AKAP5: variants seen among roughly 807,000 people sequenced by gnomAD.
AKAP5 encodes the protein A-kinase anchoring protein 5.
In AKAP5, 5 loss-of-function variants were observed where a neutral mutation model predicts 13.8. That is an observed-to-expected ratio of 0.36 (90% confidence interval 0.19 to 0.76). The LOEUF is 0.76. Ranked by LOEUF, AKAP5 falls within the 30% of genes least tolerant of loss-of-function variation. The pLI, the probability that AKAP5 is intolerant of heterozygous loss-of-function variation, is 0.51. For synonymous variants in AKAP5, 148 were observed against 167.2 expected, an observed-to-expected ratio of 0.89 and a Z score of 0.89; for missense variants, 406 against 484.4, an observed-to-expected ratio of 0.84 and a Z score of 1.52.
rs1023374648 is a variant in AKAP5, at chr14:64,470,344, C to T, written c.*666C>T. 2 of 166,710 alleles carry T rather than the reference C, an allele frequency of 1.2e-5. No homozygotes were observed. Among genetic ancestry groups the T allele is most frequent in the Non-Finnish European group, 2.9e-5 (2 of 68,194 alleles). 10.3% of individuals were successfully genotyped at this position (166,710 alleles called of 1,614,324 possible). A position where few individuals can be genotyped will look rare whatever the true frequency, so the allele number is the denominator to read the frequency against. ...GTGGCTCACGCCTATAATCCCAGCACTTTGGGAGGCCAAGGCGGGTGGATC... is the reference window on the plus strand; with the variant it reads ...GTGGCTCACGCCTATAATCCCAGCATTTTGGGAGGCCAAGGCGGGTGGATC... On this transcript the variant is annotated 3_prime_UTR_variant, in exon 2 of 2. Coordinates refer to ENST00000394718, the MANE Select transcript of AKAP5 (RefSeq NM_004857.3).
chr14:64,473,853 A>G lies in AKAP5; in HGVS notation c.*4175A>G. On this transcript the variant is annotated 3_prime_UTR_variant, in exon 2 of 2. Transcript: ENST00000394718. ...TATGATGTTTTATTGGGTAACATGA[A>G]CTCTCTTATACATAATTCAAAATTT... 6.0e-6 allele frequency: 1 copy of G among 166,864 alleles called. No homozygotes were observed. The allele number at this position is 166,864 out of a possible 1,614,324, so 10.3% of individuals were successfully genotyped here.
intron 1 of AKAP5, chr14:64,467,015 G>A (rs2078619130): frequency 6.6e-6 from 1 of 152,128 alleles, no homozygotes; most frequent in Non-Finnish European, 1.5e-5. Context: ...TCAAAAGCTT[G>A]GTTTTCAAAT....
intron 1 of AKAP5, among the ~76,000 whole-genome samples, chr14:64,466,619 ATCTT>A (rs1184501810): frequency 6.6e-6 from 1 of 152,192 alleles, no homozygotes; most frequent in African/African-American, 2.4e-5. Context: ...GAATGACTTT[ATCTT>A]TCTGTTAGAG....
chr14:64,469,130 C>CA lies in AKAP5; in HGVS notation c.738dup (p.Ala247SerfsTer5). 6.2e-7 allele frequency: 1 copy of CA among 1,614,106 alleles called. No individual in the cohort carries two copies. The highest frequency in any genetic ancestry group is 8.5e-7 in the Non-Finnish European group (1 of 1,180,032). On this transcript the variant is annotated frameshift_variant, in exon 2 of 2. Coordinates refer to ENST00000394718, the MANE Select transcript of AKAP5 (RefSeq NM_004857.3). LOFTEE classifies it high-confidence loss of function. ...GGAAAAACAAGATGTTCAACCCCAG[C>CA]AAGCAAGCCCACTTGAAACTTCAGA...
chr14:64,467,773 T>C (rs1212346026), intron 1 of AKAP5: 2 of 152,158 alleles, frequency 1.3e-5, no homozygotes, highest in Non-Finnish European at 2.9e-5. Context: ...TTGAGTGTGA[T>C]AAAGATTACA....
Position 64,469,823 on chromosome 14 carries a change from A to C in AKAP5, c.*145A>C. On this transcript the variant is annotated 3_prime_UTR_variant, in exon 2 of 2. Coordinates refer to ENST00000394718, the MANE Select transcript of AKAP5 (RefSeq NM_004857.3). ...CAATTCCAGCGCAGAAGTGCTAAAG[A>C]TTAAGTCAAGTTTATAAAACTCTAC... 1 of 616,248 alleles carries C rather than the reference A, an allele frequency of 1.6e-6. No homozygotes were observed. The highest frequency in any genetic ancestry group is 2.8e-5 in the South Asian group (1 of 35,954). The allele number at this position is 616,248 out of a possible 1,614,324, so 38.2% of individuals were successfully genotyped here.
Position 64,468,591 on chromosome 14 carries a change from C to T in AKAP5, c.197C>T (p.Ala66Val), listed in dbSNP as rs371284045. The T allele has an allele frequency of 6.2e-7, 1 of 1,613,794 alleles. No individual in the cohort carries two copies. Among genetic ancestry groups the T allele is most frequent in the Non-Finnish European group, 8.5e-7 (1 of 1,180,012 alleles). Reference protein sequence around the residue: ...ADVARKCPQEAGASDQPEPTR... With the variant: ...ADVARKCPQEVGASDQPEPTR... ...GTGGCAAGGAAGTGTCCACAAGAAG[C>T]AGGAGCTTCTGATCAGCCAGAGCCC... Residue 66 changes from alanine (A) to valine (V), a missense_variant, in exon 2 of 2, where the codon GCA becomes GTA. By Grantham distance (64) the Ala-to-Val change is moderately conservative. Coordinates refer to ENST00000394718, the MANE Select transcript of AKAP5 (RefSeq NM_004857.3).
At chr14:64,466,514 T>G (rs1244669729) in intron 1 of AKAP5, among the ~76,000 whole-genome samples, 1 of 152,192 alleles carries the variant, frequency 6.6e-6, no homozygotes, top group African/African-American at 2.4e-5. Flanking sequence ...GGTGAGAAGA[T>G]TTAAACAGTT....
chr14:64,469,856 ATGCAGTCACTTC>A lies in AKAP5; in HGVS notation c.*181_*192del. 1.9e-6 allele frequency: 1 copy of A among 538,352 alleles called. No homozygotes were observed. Among genetic ancestry groups the A allele is most frequent in the East Asian group, 3.2e-5 (1 of 31,204 alleles). 33.3% of individuals were successfully genotyped at this position (538,352 alleles called of 1,614,324 possible). A position where few individuals can be genotyped will look rare whatever the true frequency, so the allele number is the denominator to read the frequency against. On this transcript the variant is annotated 3_prime_UTR_variant, in exon 2 of 2. Transcript: ENST00000394718. ...AAGTTTATAAAACTCTACCACTGAA[ATGCAGTCACTTC>A]TGGATTGGAGGAAGTCAGCACAGAT...
At position 64,473,598 on chromosome 14, in the gene AKAP5, T is replaced by C. The variant is rs2078695443; in HGVS notation, c.*3920T>C. On this transcript the variant is annotated 3_prime_UTR_variant, in exon 2 of 2. Coordinates refer to ENST00000394718, the MANE Select transcript of AKAP5 (RefSeq NM_004857.3). ...TTCTAACTTCAAGTTACCTTATTTT[T>C]TATAGTTAAGAATGTTTTTCGAGGT... 1 of 167,108 alleles carries C rather than the reference T, an allele frequency of 6.0e-6. No individual in the cohort carries two copies. Among genetic ancestry groups the C allele is most frequent in the Admixed American group, 6.5e-5 (1 of 15,280 alleles). 10.4% of individuals were successfully genotyped at this position (167,108 alleles called of 1,614,324 possible).
In AKAP5 at chr14:64,470,934, C is replaced by A. The variant is rs143325145; in HGVS notation, c.*1256C>A. 3 of 166,954 alleles carry A rather than the reference C, an allele frequency of 1.8e-5. No homozygotes were observed. Among genetic ancestry groups the A allele is most frequent in the African/African-American group, 7.2e-5 (3 of 41,408 alleles). 10.3% of individuals were successfully genotyped at this position (166,954 alleles called of 1,614,324 possible). On this transcript the variant is annotated 3_prime_UTR_variant, in exon 2 of 2. Coordinates refer to ENST00000394718, the MANE Select transcript of AKAP5 (RefSeq NM_004857.3). Reference sequence around the variant, plus strand: ...GAGGGGAGAGTAGATTCAAAGCCAGCCTGGTAGTAATGGTCCTGGAAAATC... The same window carrying A: ...GAGGGGAGAGTAGATTCAAAGCCAGACTGGTAGTAATGGTCCTGGAAAATC...
intron 1 of AKAP5, chr14:64,467,653 T>C (rs1350581219): frequency 6.6e-6 from 1 of 151,998 alleles, no homozygotes; most frequent in Non-Finnish European, 1.5e-5. Context: ...TCTAGTTGCA[T>C]GGCTTTTGAC....
In AKAP5 at chr14:64,469,309, G is replaced by A; in HGVS notation, c.915G>A (p.Lys305=). 6.2e-7 allele frequency: 1 copy of A among 1,613,290 alleles called. No homozygotes were observed. The highest frequency in any genetic ancestry group is 8.5e-7 in the Non-Finnish European group (1 of 1,179,898). ...CAGAGATTGTAGCTGAAGAAACTAA[G>A]CCAAAAGATACTGAATTGAGCCAAG... is the stretch of plus-strand genomic sequence containing the variant. ...ESTEIVAEET[K]PKDTELSQES... is the part of the protein sequence containing the mutation. Residue 305 remains lysine (K), a synonymous_variant, in exon 2 of 2, where the codon AAG becomes AAA. Transcript: ENST00000394718.
Position 64,468,702 on chromosome 14 carries a change from G to C in AKAP5, c.308G>C (p.Gly103Ala). The change falls in exon 2 of 2, where the codon GGT becomes GCT. Residue 103 changes from glycine (G) to alanine (A), a missense_variant. Gly to Ala is a moderately conservative substitution (Grantham distance 60, BLOSUM62 0). Coordinates refer to ENST00000394718, the MANE Select transcript of AKAP5 (RefSeq NM_004857.3). ...ESSKQQKPLE[G>A]EMQPAINAED... ...TCAAAGCAGCAAAAGCCATTGGAGG[G>C]TGAAATGCAACCTGCAATAAATGCT... is the stretch of plus-strand genomic sequence containing the variant. The C allele has an allele frequency of 6.2e-7, 1 of 1,614,156 alleles. No individual in the cohort carries two copies. The highest frequency in any genetic ancestry group is 8.5e-7 in the Non-Finnish European group (1 of 1,180,046).
chr14:64,469,139 C>T lies in AKAP5; in HGVS notation c.745C>T (p.Pro249Ser). The change falls in exon 2 of 2, where the codon CCA becomes TCA. Residue 249 changes from proline (P) to serine (S), a missense_variant. Coordinates refer to ENST00000394718, the MANE Select transcript of AKAP5 (RefSeq NM_004857.3). ...KQDVQPQQAS[P>S]LETSETDHQQ... ...AGATGTTCAACCCCAGCAAGCAAGC[C>T]CACTTGAAACTTCAGAAACAGACCA... is the stretch of plus-strand genomic sequence containing the variant. 6.2e-7 allele frequency: 1 copy of T among 1,614,054 alleles called. No individual in the cohort carries two copies. Among genetic ancestry groups the T allele is most frequent in the Non-Finnish European group, 8.5e-7 (1 of 1,180,014 alleles).
chr14:64,473,230 A>C lies in AKAP5; in HGVS notation c.*3552A>C, dbSNP rs1453146357. 1 of 167,080 alleles carries C rather than the reference A, an allele frequency of 6.0e-6. No individual in the cohort carries two copies. Among genetic ancestry groups the C allele is most frequent in the African/African-American group, 2.4e-5 (1 of 41,454 alleles). The allele number at this position is 167,080 out of a possible 1,614,324, so 10.3% of individuals were successfully genotyped here. Reference sequence around the variant, plus strand: ...CATTTAAGTAAAGGTAGCAGAAAACAAAAGAACTTTCAAACAGAAATTATG... The same window carrying C: ...CATTTAAGTAAAGGTAGCAGAAAACCAAAGAACTTTCAAACAGAAATTATG... On this transcript the variant is annotated 3_prime_UTR_variant, in exon 2 of 2. Transcript: ENST00000394718.
At position 64,470,471 on chromosome 14, in the gene AKAP5, TC is replaced by T. The variant is rs2078657588; in HGVS notation, c.*796del. 1.3e-5 allele frequency: 2 copies of T among 157,506 alleles called. No homozygotes were observed. Among genetic ancestry groups the T allele is most frequent in the South Asian group, 4.2e-4 (2 of 4,814 alleles). The allele number at this position is 157,506 out of a possible 1,614,324, so 9.8% of individuals were successfully genotyped here. A position where few individuals can be genotyped will look rare whatever the true frequency, so the allele number is the denominator to read the frequency against. ...TGGGCGTGGTGGTGCACGCCTGTAA[TC>T]CCAGCTACTTGGGAGGCTGAGGCAG... On this transcript the variant is annotated 3_prime_UTR_variant, in exon 2 of 2. Coordinates refer to ENST00000394718, the MANE Select transcript of AKAP5 (RefSeq NM_004857.3).
Position 64,468,468 on chromosome 14 carries a change from C to A in AKAP5, c.74C>A (p.Ala25Asp), listed in dbSNP as rs750629109. ...AGATCAGCAGAAGGTAGTCCTGGGGCTGAAAGGCAGAAGGAAAAGGCATCC... is the reference window on the plus strand; with the variant it reads ...AGATCAGCAGAAGGTAGTCCTGGGGATGAAAGGCAGAAGGAAAAGGCATCC... ...EKRSAEGSPG[A>D]ERQKEKASML... Residue 25 changes from alanine (A) to aspartate (D), a missense_variant, in exon 2 of 2, where the codon GCT becomes GAT. Coordinates refer to ENST00000394718, the MANE Select transcript of AKAP5 (RefSeq NM_004857.3). The A allele has an allele frequency of 3.7e-6, 6 of 1,613,922 alleles. No homozygotes were observed. The highest frequency in any genetic ancestry group is 1.3e-5 in the African/African-American group (1 of 74,912).
At position 64,474,156 on chromosome 14, in the gene AKAP5, G is replaced by A. The variant is rs552754628; in HGVS notation, c.*4478G>A. On this transcript the variant is annotated 3_prime_UTR_variant, in exon 2 of 2. Transcript: ENST00000394718. Reference sequence around the variant, plus strand: ...ATGCTGCAACATGAGTGGCACAGAGGGGAGTACACAGAGAGAGCAATTAAT... The same window carrying A: ...ATGCTGCAACATGAGTGGCACAGAGAGGAGTACACAGAGAGAGCAATTAAT... 6.0e-6 allele frequency: 1 copy of A among 167,192 alleles called. No homozygotes were observed. The highest frequency in any genetic ancestry group is 2.1e-4 in the South Asian group (1 of 4,822). 10.4% of individuals were successfully genotyped at this position (167,192 alleles called of 1,614,324 possible).
Sources: allele counts gnomAD v4.1 joint callset (sites outside exome capture counted in the v4.1 genomes callset), GRCh38; gene constraint gnomAD v4.1.1; transcripts MANE v1.5; gene names NCBI Gene and HGNC (gene_info 2026-07-23, HGNC 2026-07-21).